The following EPB41L1 variants were observed in gnomAD, a reference collection of about 807,000 sequenced individuals.
The protein encoded by EPB41L1 is band 4.1-like protein 1.
Under a neutral mutation model 97.8 loss-of-function variants are expected in EPB41L1, and 29 were observed. The observed-to-expected ratio is 0.30, with a 90% confidence interval of 0.22 to 0.40. The LOEUF is 0.40. Ranked by LOEUF, EPB41L1 falls within the 10% of genes least tolerant of loss-of-function variation. The pLI, the probability that EPB41L1 is intolerant of heterozygous loss-of-function variation, is 1.00. For synonymous variants in EPB41L1, 383 were observed against 459.2 expected (o/e 0.83, Z 2.12); for missense variants, 812 against 1,162.3 (o/e 0.70, Z 4.38).
intron 11 of EPB41L1, among the ~76,000 whole-genome samples, chr20:36,193,967 T>C (rs1305791366): frequency 6.6e-6 from 1 of 152,116 alleles, no homozygotes; most frequent in Non-Finnish European, 1.5e-5. Flanking sequence ...CAAGAACAGA[T>C]GGATTTGAGA....
At chr20:36,160,678 C>G (rs547394463) in intron 1 of EPB41L1, among the ~76,000 whole-genome samples, 1 of 152,066 alleles carries the variant, frequency 6.6e-6, no homozygotes, top group African/African-American at 2.4e-5. Context: ...TAGCTAATAA[C>G]AGCATGTTGT....
At chr20:36,161,960 C>G (rs1249830584) in intron 1 of EPB41L1, among the ~76,000 whole-genome samples, 1 of 152,162 alleles carries the variant, frequency 6.6e-6, no homozygotes, top group African/African-American at 2.4e-5. Context: ...GACAGTGTCT[C>G]GCTCTGTTGC....
intron 14 of EPB41L1, among the ~76,000 whole-genome samples, chr20:36,202,308 T>TG (rs2062540609): frequency 6.6e-6 from 1 of 152,244 alleles, no homozygotes; most frequent in Non-Finnish European, 1.5e-5. Context: ...AATTGAAATC[T>TG]GCCTTTTCAA....
chr20:36,205,576 A>C (rs1426266489), intron 14 of EPB41L1, among the ~76,000 whole-genome samples: 2 of 152,152 alleles, frequency 1.3e-5, no homozygotes, highest in Admixed American at 1.3e-4. Context: ...TGACATGGGA[A>C]GGGCATAAGA....
chr20:36,135,721 G>C (rs2059392823), intron 2 of EPB41L1, among the ~76,000 whole-genome samples: 1 of 152,134 alleles, frequency 6.6e-6, no homozygotes, highest in African/African-American at 2.4e-5. Flanking sequence ...CTGCTCTTCT[G>C]CCTGAAAGTT....
In EPB41L1 at chr20:36,207,322, G is replaced by C; in HGVS notation, c.1669-2166G>C. The C allele has an allele frequency of 7.8e-7, 1 of 1,285,708 alleles. No homozygotes were observed. The allele number at this position is 1,285,708 out of a possible 1,614,324, so 79.6% of individuals were successfully genotyped here. ...CAGCAGAAAGCCCAGAGTAGTCCCT[G>C]AAGAAGCTGAGGGGCGCATACCTCT... is the stretch of plus-strand genomic sequence containing the variant. On this transcript the variant is annotated intron_variant, in intron 14 of 21. Coordinates refer to ENST00000338074, the MANE Select transcript of EPB41L1 (RefSeq NM_012156.2). The surrounding 1 kb of genome is among the most constrained non-coding windows in gnomAD (Gnocchi z 4.9).
chr20:36,198,340 T>G (rs1214572602), intron 14 of EPB41L1, among the ~76,000 whole-genome samples: 1 of 152,190 alleles, frequency 6.6e-6, no homozygotes, highest in Non-Finnish European at 1.5e-5. Context: ...AAATGCAGGT[T>G]TCAGGGCCCC....
At position 36,232,587 on chromosome 20, in the gene EPB41L1, A is replaced by T; in HGVS notation, c.*3247A>T. 1 of 399,092 alleles carries T rather than the reference A, an allele frequency of 2.5e-6. No homozygotes were observed. 24.7% of individuals were successfully genotyped at this position (399,092 alleles called of 1,614,324 possible). On this transcript the variant is annotated 3_prime_UTR_variant, in exon 22 of 22. Coordinates refer to ENST00000338074, the MANE Select transcript of EPB41L1 (RefSeq NM_012156.2). Reference sequence around the variant, plus strand: ...GCAAGCACATTCCAAGACTGGCCTGAAACTGCATGAGCAACATCACTCGAA... The same window carrying T: ...GCAAGCACATTCCAAGACTGGCCTGTAACTGCATGAGCAACATCACTCGAA...
At chr20:36,149,880 G>A (rs2059979668), upstream of EPB41L1, 1 of 152,216 alleles carries the variant, frequency 6.6e-6, no homozygotes, top group Non-Finnish European at 1.5e-5. Flanking sequence ...TGATCCCTAT[G>A]GGCTGAGTTA....
At chr20:36,172,660 GTGCAATCTCAGCTTAC>G (rs1208393212) in intron 1 of EPB41L1, among the ~76,000 whole-genome samples, 1 of 152,132 alleles carries the variant, frequency 6.6e-6, no homozygotes, top group Non-Finnish European at 1.5e-5. Context: ...GAGTGCAGTG[GTGCAATCTCAGCTTAC>G]TGCAACCTCC....
At chr20:36,200,822 C>T in intron 14 of EPB41L1, 1 of 452,472 alleles carries the variant, frequency 2.2e-6, no homozygotes, top group Non-Finnish European at 4.4e-6. Context: ...TCTGTCTCTC[C>T]TTCCCTTCCT....
At chr20:36,121,179 CG>C (rs1242894174) in intron 2 of EPB41L1, among the ~76,000 whole-genome samples, 1 of 151,842 alleles carries the variant, frequency 6.6e-6, no homozygotes, top group East Asian at 1.9e-4. Context: ...TCAGTAGACA[CG>C]GAATCTGCTG....
chr20:36,168,405 C>G (rs1279775151), intron 1 of EPB41L1, among the ~76,000 whole-genome samples: 1 of 152,164 alleles, frequency 6.6e-6, no homozygotes, highest in Non-Finnish European at 1.5e-5. Flanking sequence ...ATCTCTTTTT[C>G]CATTTGTTGT....
chr20:36,188,534 G>T, intron 9 of EPB41L1, 35 bp downstream of exon 9: 1 of 1,467,936 alleles, frequency 6.8e-7, no homozygotes. Context: ...CTCCTCACCG[G>T]AATCAACTAG....
intron 1 of EPB41L1, 144 bp from the exon 2 acceptor site, chr20:36,173,620 G>T: frequency 1.3e-6 from 1 of 756,082 alleles, no homozygotes; most frequent in South Asian, 1.6e-5. Flanking sequence ...CACTTCCTCT[G>T]TCTCTCCCTT....
chr20:36,115,565 A>G (rs1416370310), intron 2 of EPB41L1, among the ~76,000 whole-genome samples: 1 of 152,234 alleles, frequency 6.6e-6, no homozygotes, highest in African/African-American at 2.4e-5. Context: ...GCCAGGCTCC[A>G]TGCTGAACTC....
intron 2 of EPB41L1, among the ~76,000 whole-genome samples, chr20:36,135,335 A>G (rs1397224049): frequency 6.6e-6 from 1 of 152,224 alleles, no homozygotes; most frequent in African/African-American, 2.4e-5. Flanking sequence ...AGTGAGGGAT[A>G]GAGGGGGATT....
intron 1 of EPB41L1, among the ~76,000 whole-genome samples, chr20:36,164,246 A>G (rs371825419): frequency 2.6e-5 from 4 of 152,334 alleles, no homozygotes; most frequent in Admixed American, 1.3e-4. Flanking sequence ...CAAGCAGGTC[A>G]TGGATCTGGG....
rs914190492 is a variant in EPB41L1, at chr20:36,209,665, C to A, written c.1846C>A (p.Leu616Met). The A allele has an allele frequency of 1.5e-5, 24 of 1,613,956 alleles. No individual in the cohort carries two copies. Among genetic ancestry groups the A allele is most frequent in the Non-Finnish European group, 2.0e-5 (24 of 1,180,008 alleles). The change falls in exon 15 of 22, where the codon CTG becomes ATG. Residue 616 changes from leucine to methionine, a missense_variant. Leu to Met is a conservative substitution (Grantham distance 15, BLOSUM62 2). Coordinates refer to ENST00000338074, the MANE Select transcript of EPB41L1 (RefSeq NM_012156.2). This position sits in a 1 kb window ranked among gnomAD's most constrained non-coding sequence, Gnocchi z 4.2. ...SSITVSSTSS[L>M]EAEVDFTVIG... Reference sequence around the variant, plus strand: ...CATCACGGTCAGCTCTACGTCTAGCCTGGAGGCTGAGGTGGACTTCACGGT... The same window carrying A: ...CATCACGGTCAGCTCTACGTCTAGCATGGAGGCTGAGGTGGACTTCACGGT...
Sources: gnomAD v4.1 joint callset for allele counts (sites outside exome capture counted in the v4.1 genomes callset) on GRCh38, gnomAD v4.1.1 for gene constraint, Gnocchi (gnomAD v3.1) non-coding constraint, MANE v1.5 for transcripts, NCBI Gene and HGNC (gene_info 2026-07-23, HGNC 2026-07-21) for gene names.